The following ERI3 variants were observed in gnomAD, a reference collection of about 807,000 sequenced individuals.
ERI3 encodes ERI1 exoribonuclease family member 3.
In ERI3, 18 loss-of-function variants were observed where a neutral mutation model predicts 44.4. That is an observed-to-expected ratio of 0.41 (90% confidence interval 0.28 to 0.60). The LOEUF (loss-of-function observed/expected upper bound fraction) is 0.60. Ranked by LOEUF, ERI3 falls within the 20% of genes least tolerant of loss-of-function variation. The probability of loss-of-function intolerance (pLI) is 0.36; values close to 1 mark genes in which losing one functional copy is unlikely to be tolerated. For missense variants in ERI3, 294 were observed against 435.5 expected, an observed-to-expected ratio of 0.68 and a Z score of 2.89; for synonymous variants, 183 against 164.8, an observed-to-expected ratio of 1.11 and a Z score of -0.84.
intron 8 of ERI3, 104 bp downstream of exon 8, chr1:44,247,835 G>T: frequency 5.7e-6 from 5 of 871,386 alleles, no homozygotes; most frequent in Non-Finnish European, 7.1e-6. Flanking sequence ...AGCCCTGTTG[G>T]GGCACTGAAT....
intron 2 of ERI3, 22 bp from the exon 3 acceptor site, chr1:44,339,344 AAAAAAAAAAAAAAAGAAAAGAAAG>A (rs2154331240): frequency 4.1e-6 from 6 of 1,477,152 alleles, no homozygotes; most frequent in Non-Finnish European, 5.4e-6. Flanking sequence ...AAAGTTTAAA[AAAAAAAAAAAAAAAGAAAAGAAAG>A]AAAAAAAAAA....
intron 4 of ERI3, 81 bp downstream of exon 4, chr1:44,319,547 T>C: frequency 1.1e-6 from 1 of 890,068 alleles, no homozygotes; most frequent in Non-Finnish European, 1.8e-6. Flanking sequence ...CTATGCTTTC[T>C]CTAAGTGGCC....
intron 3 of ERI3, among the ~76,000 whole-genome samples, chr1:44,332,477 C>T (rs771935982): frequency 5.3e-5 from 8 of 152,200 alleles, no homozygotes; most frequent in Non-Finnish European, 7.3e-5. Flanking sequence ...CAGCCTGCTA[C>T]ACACCATGGC....
intron 7 of ERI3, 34 bp downstream of exon 7, chr1:44,284,801 G>A (rs1279127179): frequency 6.4e-7 from 1 of 1,573,302 alleles, no homozygotes; most frequent in South Asian, 1.1e-5. Flanking sequence ...AAGAGCACCA[G>A]GGGAAGCACC....
intron 8 of ERI3, among the ~76,000 whole-genome samples, chr1:44,230,075 T>A (rs974246899): frequency 1.4e-4 from 21 of 152,210 alleles, no homozygotes; most frequent in African/African-American, 4.8e-4. Flanking sequence ...TATTGACTGA[T>A]GATAAATCCT....
intron 2 of ERI3, among the ~76,000 whole-genome samples, chr1:44,340,957 G>C (rs1195510707): frequency 6.6e-6 from 1 of 152,186 alleles, no homozygotes; most frequent in African/African-American, 2.4e-5. Flanking sequence ...TAATGAGATG[G>C]AAGACACCAG....
chr1:44,223,832 T>G (rs1643965751), intron 8 of ERI3, among the ~76,000 whole-genome samples: 2 of 152,206 alleles, frequency 1.3e-5, no homozygotes, highest in Admixed American at 1.3e-4. Context: ...ACACACTGGA[T>G]GGCTTCATCT....
intron 2 of ERI3, among the ~76,000 whole-genome samples, chr1:44,348,029 A>G (rs1033122076): frequency 6.6e-6 from 1 of 152,330 alleles, no homozygotes; most frequent in East Asian, 1.9e-4. Context: ...AGGACCAGGC[A>G]CAAAGTAAGC....
At chr1:44,351,281 AC>A (rs1404094247) in intron 2 of ERI3, among the ~76,000 whole-genome samples, 1 of 151,920 alleles carries the variant, frequency 6.6e-6, no homozygotes, top group Non-Finnish European at 1.5e-5. Context: ...TGATCTGCCC[AC>A]CTCAGCTTCC....
In ERI3 at chr1:44,235,165, C is replaced by T. The variant is rs1361028024; in HGVS notation, c.931+12774G>A. On this transcript the variant is annotated intron_variant, in intron 8 of 8. Transcript: ENST00000372257. The surrounding 1 kb of genome is among the most constrained non-coding windows in gnomAD (Gnocchi z 4.6). ...TCCCCATTAAGTTCAATATTGCCAC[C>T]TTGCCTGACTCAGCTCCCAATGCAT... is the stretch of plus-strand genomic sequence containing the variant. Among the ~76,000 whole-genome samples the T allele has an allele frequency of 6.6e-6, 1 of 152,180 alleles. No homozygotes were observed. The highest frequency in any genetic ancestry group is 1.5e-5 in the Non-Finnish European group (1 of 68,042).
At chr1:44,270,417 A>G (rs1393292112) in intron 7 of ERI3, among the ~76,000 whole-genome samples, 3 of 152,166 alleles carry the variant, frequency 2.0e-5, no homozygotes, top group African/African-American at 7.2e-5. Context: ...ACCAGCCCAT[A>G]CACAATAACA....
At chr1:44,346,399 G>C (rs1448286619) in intron 2 of ERI3, among the ~76,000 whole-genome samples, 2 of 152,162 alleles carry the variant, frequency 1.3e-5, no homozygotes, top group African/African-American at 2.4e-5. Context: ...TTTGTGATTT[G>C]CCTGCTGTTT....
chr1:44,223,225 T>C (rs1396447877), intron 8 of ERI3, among the ~76,000 whole-genome samples: 1 of 152,048 alleles, frequency 6.6e-6, no homozygotes, highest in East Asian at 1.9e-4. Context: ...ACGTGACCCA[T>C]CCCCATGGTT....
Position 44,227,574 on chromosome 1 carries a change from A to G in ERI3, c.932-5934T>C, listed in dbSNP as rs139113305. Among the ~76,000 whole-genome samples the G allele has an allele frequency of 5.3e-3, 800 of 152,302 alleles. 6 individuals are homozygous for G. Among genetic ancestry groups the G allele is most frequent in the African/African-American group, 0.018 (754 of 41,552 alleles). ...TTATACTATATTTTTTATACTAAAA[A>G]TTATTTATCTGAAATTCAGATTTAA... is the stretch of plus-strand genomic sequence containing the variant. On this transcript the variant is annotated intron_variant, in intron 8 of 8. Transcript: ENST00000372257.
chr1:44,289,751 C>A (rs1396616418), intron 6 of ERI3, among the ~76,000 whole-genome samples: 1 of 152,278 alleles, frequency 6.6e-6, no homozygotes, highest in Non-Finnish European at 1.5e-5. Context: ...CAGGGGATAG[C>A]TCATTAGGGG....
intron 3 of ERI3, among the ~76,000 whole-genome samples, chr1:44,330,676 C>A (rs1040734125): frequency 6.6e-6 from 1 of 152,184 alleles, no homozygotes; most frequent in Non-Finnish European, 1.5e-5. Context: ...AATGTGGGTA[C>A]ACTCTTGTTT....
chr1:44,233,108 T>C (rs1644224104), intron 8 of ERI3, among the ~76,000 whole-genome samples: 1 of 152,180 alleles, frequency 6.6e-6, no homozygotes, highest in Non-Finnish European at 1.5e-5. Context: ...CCATATAGAC[T>C]AGTGCCACTT....
At chr1:44,278,477 G>GAAAAAAAA (rs746101806) in intron 7 of ERI3, among the ~76,000 whole-genome samples, 1 of 80,030 alleles carries the variant, frequency 1.2e-5, no homozygotes. Context: ...ACTGTCTCAG[G>GAAAAAAAA]AAAAAAAAAA....
chr1:44,353,986 C>T, intron 1 of ERI3: 3 of 985,304 alleles, frequency 3.0e-6, no homozygotes, highest in Non-Finnish European at 3.6e-6. Context: ...TATAAATTGG[C>T]TTTTAAATGG....
Sources: allele counts gnomAD v4.1 joint callset (sites outside exome capture counted in the v4.1 genomes callset), GRCh38; gene constraint gnomAD v4.1.1; non-coding constraint Gnocchi (gnomAD v3.1); transcripts MANE v1.5; gene names NCBI Gene and HGNC (gene_info 2026-07-23, HGNC 2026-07-21).